Variants in ANKRD13C observed in about 807,000 individuals in gnomAD.
ANKRD13C encodes the protein ankyrin repeat domain 13C.
ANKRD13C carries 16 observed loss-of-function variants against 65.5 expected under a neutral mutation model. The ratio of observed to expected loss-of-function variants is 0.24; its 90% CI spans 0.17 to 0.37. ANKRD13C has a LOEUF of 0.37. ANKRD13C is among the 10% of genes least tolerant of loss of function. ANKRD13C has a pLI of 1.00. For synonymous variants in ANKRD13C, 235 were observed against 238.7 expected (o/e 0.98, Z 0.14); for missense variants, 503 against 655.9 (o/e 0.77, Z 2.55).
At chr1:70,321,640 C>A (rs1263092125) in intron 3 of ANKRD13C, among the ~76,000 whole-genome samples, 1 of 152,096 alleles carries the variant, frequency 6.6e-6, no homozygotes, top group African/African-American at 2.4e-5. Flanking sequence ...AGCTAGGAAC[C>A]ATGGGTGAGG....
Position 70,271,504 on chromosome 1 carries a change from G to A in ANKRD13C, c.1395-548C>T, listed in dbSNP as rs545931176. ...CATTTTTCTTTGAAAAAAGTCCTAC[G>A]ACTGCTACGTTTCTTGAATTCTTTT... On this transcript the variant is annotated intron_variant, in intron 11 of 12. Transcript: ENST00000370944. Among the ~76,000 whole-genome samples the A allele has an allele frequency of 1.1e-4, 17 of 152,130 alleles. 1 individual carries two copies. The South Asian group carries it at 2.1e-3, about 19-fold the overall frequency.
intron 1 of ANKRD13C, 93 bp downstream of exon 1, chr1:70,353,886 T>G: frequency 2.2e-6 from 3 of 1,388,354 alleles, no homozygotes; most frequent in Admixed American, 3.1e-5. Flanking sequence ...AAAAGAAGAG[T>G]CTGCTGGAGG....
chr1:70,322,346 A>G (rs1435956648), intron 3 of ANKRD13C, among the ~76,000 whole-genome samples: 1 of 152,220 alleles, frequency 6.6e-6, no homozygotes, highest in African/African-American at 2.4e-5. Flanking sequence ...CCTTTAAGTT[A>G]GCAGTTAAGT....
At chr1:70,333,478 A>AC (rs1286457757) in intron 2 of ANKRD13C, among the ~76,000 whole-genome samples, 1 of 151,956 alleles carries the variant, frequency 6.6e-6, no homozygotes, top group Non-Finnish European at 1.5e-5. Flanking sequence ...TCCCTCTCCT[A>AC]CCCCCAAATC....
Position 70,315,524 on chromosome 1 carries a change from C to T in ANKRD13C, c.620G>A (p.Ser207Asn), listed in dbSNP as rs772549160. The stretch of plus-strand genomic sequence containing the variant: ...TAATCGAGGTCGTTTTTCTTCAACA[C>T]TTTCCCTGGATTGCTGCTTAAGCTT... ...LRKLKQQSRE[S>N]VEEKRPRLLK... The change falls in exon 4 of 13, where the codon AGT becomes AAT. Residue 207 changes from serine to asparagine, a missense_variant. This residue lies in a region of ANKRD13C where 300 missense variants were observed against 478.3 expected (regional missense o/e 0.63). Coordinates refer to ENST00000370944, the MANE Select transcript of ANKRD13C (RefSeq NM_030816.5). The T allele has an allele frequency of 6.2e-7, 1 of 1,609,220 alleles. No homozygotes were observed. Among genetic ancestry groups the T allele is most frequent in the Non-Finnish European group, 8.5e-7 (1 of 1,177,516 alleles).
chr1:70,283,289 A>G (rs930616960), intron 9 of ANKRD13C, among the ~76,000 whole-genome samples: 13 of 152,090 alleles, frequency 8.5e-5, no homozygotes, highest in African/African-American at 2.9e-4. Context: ...GCAATACCAG[A>G]TAACTCTTTA....
chr1:70,348,052 C>T (rs1682602565), intron 1 of ANKRD13C, among the ~76,000 whole-genome samples: 1 of 152,016 alleles, frequency 6.6e-6, no homozygotes, highest in African/African-American at 2.4e-5. Context: ...AATTGTTCAC[C>T]AGTAGCTAAA....
intron 2 of ANKRD13C, among the ~76,000 whole-genome samples, chr1:70,325,230 G>A (rs562918957): frequency 1.3e-5 from 2 of 152,018 alleles, no homozygotes; most frequent in Non-Finnish European, 2.9e-5. Flanking sequence ...TATTCCAAGA[G>A]TATTTTTTTA....
At chr1:70,339,381 G>C (rs933507099) in intron 1 of ANKRD13C, among the ~76,000 whole-genome samples, 1 of 144,322 alleles carries the variant, frequency 6.9e-6, no homozygotes, top group Non-Finnish European at 1.5e-5. Context: ...GCAGTGGCAC[G>C]ATCTCGGCTC....
Position 70,296,254 on chromosome 1 carries a change from T to C in ANKRD13C, c.929A>G (p.Glu310Gly). ...VYQRIHHEES[E>G]METEEEVDIL... ...ATCCACCTCTTCTTCTGTTTCCATC[T>C]CTGATTCCTGGGATGTGAGCAAAAG... Residue 310 changes from glutamate (E) to glycine (G), a missense_variant, in exon 8 of 13, where the codon GAG becomes GGG. By Grantham distance (98) the Glu-to-Gly change is moderately conservative. Transcript: ENST00000370944. The C allele has an allele frequency of 6.2e-7, 1 of 1,612,698 alleles. No homozygotes were observed. Among genetic ancestry groups the C allele is most frequent in the East Asian group, 2.2e-5 (1 of 44,820 alleles).
At chr1:70,292,755 A>G (rs962861330) in intron 8 of ANKRD13C, among the ~76,000 whole-genome samples, 1 of 152,216 alleles carries the variant, frequency 6.6e-6, no homozygotes, top group African/African-American at 2.4e-5. Flanking sequence ...AAAAGCATAC[A>G]TTTCAAATCA....
intron 8 of ANKRD13C, among the ~76,000 whole-genome samples, chr1:70,294,076 T>C (rs1411698776): frequency 2.0e-5 from 3 of 152,114 alleles, no homozygotes; most frequent in African/African-American, 7.2e-5. Context: ...AAGAGTGAAC[T>C]AGCACTACAT....
intron 9 of ANKRD13C, among the ~76,000 whole-genome samples, chr1:70,284,051 C>A (rs976068649): frequency 6.6e-6 from 1 of 151,888 alleles, no homozygotes; most frequent in Admixed American, 6.6e-5. Flanking sequence ...AAAATATATA[C>A]TAAATACTAG....
At chr1:70,306,401 T>G in intron 5 of ANKRD13C, 111 bp from the exon 6 acceptor site, 1 of 596,656 alleles carries the variant, frequency 1.7e-6, no homozygotes, top group East Asian at 3.8e-5. Context: ...TATAATAATT[T>G]CCTTTCAAAT....
rs1680427798 is a variant in ANKRD13C at position 70,302,744 on chromosome 1, A to G, written c.777-1836T>C. On this transcript the variant is annotated intron_variant, in intron 6 of 12. Coordinates refer to ENST00000370944, the MANE Select transcript of ANKRD13C (RefSeq NM_030816.5). ...CCGTCTCAAAAAAAAAAAAAAAAAAAAAAAAAAAAAAGAAAATAGTATTAA... is the reference window on the plus strand; with the variant it reads ...CCGTCTCAAAAAAAAAAAAAAAAAAGAAAAAAAAAAAGAAAATAGTATTAA... Among the ~76,000 whole-genome samples the G allele has an allele frequency of 2.7e-5, 3 of 109,358 alleles. No individual in the cohort carries two copies. In the Admixed American group the frequency reaches 3.0e-4, roughly 11 times the overall value. The allele number at this position is 109,358 out of a possible 152,430, so 71.7% of individuals were successfully genotyped here.
At chr1:70,271,160 G>C (rs1405037303) in intron 11 of ANKRD13C, among the ~76,000 whole-genome samples, 2 of 152,080 alleles carry the variant, frequency 1.3e-5, no homozygotes, top group African/African-American at 4.8e-5. Context: ...TTTCACAATT[G>C]TTTGATTTTA....
rs542599205 is a variant in ANKRD13C at position 70,350,677 on chromosome 1, G to A, written c.430+3302C>T. Among the ~76,000 whole-genome samples, 196 of 152,154 alleles carry A rather than the reference G, an allele frequency of 1.3e-3. 3 individuals carry two copies. The South Asian group carries it at 0.017, about 13-fold the overall frequency. On this transcript the variant is annotated intron_variant, in intron 1 of 12. Coordinates refer to ENST00000370944, the MANE Select transcript of ANKRD13C (RefSeq NM_030816.5). Reference sequence around the variant, plus strand: ...AGAACTTTGCTATAAAACACCAAACGCACATTATGAGAATTGACTTCCTTG... The same window carrying A: ...AGAACTTTGCTATAAAACACCAAACACACATTATGAGAATTGACTTCCTTG...
At chr1:70,322,705 C>T (rs1032223509) in intron 3 of ANKRD13C, among the ~76,000 whole-genome samples, 1 of 151,976 alleles carries the variant, frequency 6.6e-6, no homozygotes, top group African/African-American at 2.4e-5. Flanking sequence ...AGTAAAGAAT[C>T]CTTGAGGCCG....
In ANKRD13C at chr1:70,262,596, T is replaced by C. The variant is rs574444778; in HGVS notation, c.*121A>G. ...ATTTCACTGTATCGTATTACTGATG[T>C]GTCGATTCAATGTGTAATTCCCTTT... On this transcript the variant is annotated 3_prime_UTR_variant, in exon 13 of 13. Coordinates refer to ENST00000370944, the MANE Select transcript of ANKRD13C (RefSeq NM_030816.5). 13 of 1,117,596 alleles carry C rather than the reference T, an allele frequency of 1.2e-5. No individual in the cohort carries two copies. The East Asian group carries it at 2.0e-4, about 17-fold the overall frequency. 69.2% of individuals were successfully genotyped at this position (1,117,596 alleles called of 1,614,324 possible).
Sources: gnomAD v4.1 joint callset for allele counts (sites outside exome capture counted in the v4.1 genomes callset) on GRCh38, gnomAD v4.1.1 for gene constraint, gnomAD v4.1.1 regional missense constraint, MANE v1.5 for transcripts, NCBI Gene and HGNC (gene_info 2026-07-23, HGNC 2026-07-21) for gene names.